Variants in MYH7 observed in about 807,000 individuals in gnomAD.
The protein encoded by MYH7 is myosin-7.
MYH7 carries 129 observed loss-of-function variants against 225.4 expected under a neutral mutation model. The observed-to-expected ratio is 0.57, with a 90% CI of 0.50 to 0.66. The LOEUF is 0.66. MYH7 is among the 30% of genes least tolerant of loss of function. The pLI, the probability that MYH7 is intolerant of heterozygous loss-of-function variation, is 0.00. For synonymous variants in MYH7, 971 were observed against 1,007.6 expected, an observed-to-expected ratio of 0.96 and a Z score of 0.69; for missense variants, 1,649 against 2,517.0, an observed-to-expected ratio of 0.66 and a Z score of 7.38.
chr14:23,424,188 A>G (rs1249591347), intron 22 of MYH7, 39 bp from the exon 23 acceptor site: 1 of 1,613,252 alleles, frequency 6.2e-7, no homozygotes. Context: ...TTCAGGGGGT[A>G]AGGTCCTCAT....
At chr14:23,427,405 C>A in intron 16 of MYH7, 98 bp from the exon 17 acceptor site, 2 of 1,523,098 alleles carry the variant, frequency 1.3e-6, no homozygotes, top group Non-Finnish European at 1.8e-6. Context: ...TGGCATTTGG[C>A]CCCTGGGTGA....
Position 23,413,863 on chromosome 14 carries a change from A to G in MYH7, c.5686T>C (p.Phe1896Leu). The change falls in exon 39 of 40, where the codon TTC becomes CTC. Residue 1896 changes from phenylalanine to leucine, a missense_variant. Around this residue, in one of 12 missense-constraint regions of MYH7, gnomAD observed 687 missense variants for 913.8 expected, o/e 0.75. Coordinates refer to ENST00000355349, the MANE Select transcript of MYH7 (RefSeq NM_000257.4). ...TCCAGCTCGTGCTGCACCTTGCGGA[A>G]CTTGGACAGGTTGGTGTTGGCTTGC... ...EEQANTNLSK[F>L]RKVQHELDEA... The G allele has an allele frequency of 6.2e-7, 1 of 1,614,234 alleles. No homozygotes were observed. The highest frequency in any genetic ancestry group is 8.5e-7 in the Non-Finnish European group (1 of 1,180,034).
chr14:23,421,127 T>C (rs1892458508), intron 25 of MYH7, 79 bp from the exon 26 acceptor site: 7 of 999,538 alleles, frequency 7.0e-6, no homozygotes, highest in East Asian at 4.8e-5. Context: ...AAAATGGTAA[T>C]GATACAGGTA....
chr14:23,413,691 T>C, intron 39 of MYH7, 68 bp downstream of exon 39: 1 of 1,606,684 alleles, frequency 6.2e-7, no homozygotes, highest in Admixed American at 1.7e-5. Flanking sequence ...GCATCCCGGG[T>C]TTGAGGGTGC....
At chr14:23,430,517 C>A in intron 11 of MYH7, 43 bp downstream of exon 11, 1 of 1,520,806 alleles carries the variant, frequency 6.6e-7, no homozygotes, top group South Asian at 1.1e-5. Flanking sequence ...TTGCCCCTCA[C>A]TGCCAATCCT....
rs1401010130 is a variant in MYH7 at position 23,417,334 on chromosome 14, G to A, written c.4354-16C>T. On this transcript the variant is annotated splice_polypyrimidine_tract_variant and intron_variant, in intron 31 of 39. Coordinates refer to ENST00000355349, the MANE Select transcript of MYH7 (RefSeq NM_000257.4). ...CGGCCAGGATCTGCCCGGGGACAAG[G>A]CTCACTCTTCAGCCCCCCAGCCTCA... The A allele has an allele frequency of 1.2e-6, 2 of 1,613,012 alleles. No homozygotes were observed. The highest frequency in any genetic ancestry group is 3.3e-5 in the Admixed American group (2 of 60,000).
intron 37 of MYH7, among the ~76,000 whole-genome samples, chr14:23,414,387 T>G (rs1274565683): frequency 2.0e-5 from 3 of 152,136 alleles, no homozygotes; most frequent in Non-Finnish European, 2.9e-5. Flanking sequence ...GGGGACCCCA[T>G]GCGGGATGAA....
chr14:23,431,543 C>T (rs1200919127), intron 8 of MYH7, 42 bp downstream of exon 8: 2 of 1,613,914 alleles, frequency 1.2e-6, no homozygotes, highest in East Asian at 4.5e-5. Flanking sequence ...GACCATTCCT[C>T]CACCAGTCCA....
At position 23,418,386 on chromosome 14, in the gene MYH7, G is replaced by A. The variant is rs200288088; in HGVS notation, c.3993C>T (p.His1331=). ...EEVKAKNALA[H]ALQSARHDCD... is the part of the protein sequence containing the mutation. ...AGTCATGCCGGGCCGACTGCAGTGCGTGGGCCAGGGCGTTCTTCGCCTGGG... is the reference window on the plus strand; with the variant it reads ...AGTCATGCCGGGCCGACTGCAGTGCATGGGCCAGGGCGTTCTTCGCCTGGG... The change falls in exon 30 of 40, where the codon CAC becomes CAT. Residue 1331 remains histidine (H), a synonymous_variant. Transcript: ENST00000355349. 158 of 1,611,776 alleles carry A rather than the reference G, an allele frequency of 9.8e-5. No homozygotes were observed. The East Asian group carries it at 2.0e-3, about 20-fold the overall frequency.
Position 23,418,173 on chromosome 14 carries a change from G to C in MYH7, c.4169+37C>G, listed in dbSNP as rs896606349. The stretch of plus-strand genomic sequence containing the variant: ...GGCTGGGCTGAGTCCTGCCTGCAAA[G>C]GGGCCTCAGCCAGAAGTCAGGCTGC... On this transcript the variant is annotated intron_variant, in intron 30 of 39. Coordinates refer to ENST00000355349, the MANE Select transcript of MYH7 (RefSeq NM_000257.4). 5 of 1,613,254 alleles carry C rather than the reference G, an allele frequency of 3.1e-6. No individual in the cohort carries two copies. The Admixed American group carries it at 6.7e-5, about 21-fold the overall frequency.
chr14:23,421,314 A>G (rs2138656964), intron 25 of MYH7, among the ~76,000 whole-genome samples: 1 of 152,204 alleles, frequency 6.6e-6, no homozygotes, highest in East Asian at 1.9e-4. Flanking sequence ...TTTTCTCATA[A>G]TGTAAAATGA....
chr14:23,415,922 G>A lies in MYH7; in HGVS notation c.4953+82C>T. 6.2e-7 allele frequency: 1 copy of A among 1,613,242 alleles called. No individual in the cohort carries two copies. Among genetic ancestry groups the A allele is most frequent in the South Asian group, 1.1e-5 (1 of 91,032 alleles). On this transcript the variant is annotated intron_variant, in intron 34 of 39. Transcript: ENST00000355349. This position sits in a 1 kb window ranked among gnomAD's most constrained non-coding sequence, Gnocchi z 6.3. ...GTCAGAGGTCCCTGCAGTAACCTAG[G>A]GGCAGGAGGAATCTGGTGCCTGTAT...
At chr14:23,432,980 T>C in intron 4 of MYH7, 104 bp downstream of exon 4, 4 of 1,565,044 alleles carry the variant, frequency 2.6e-6, no homozygotes, top group South Asian at 2.3e-5. Context: ...GAGGTTAGAG[T>C]GTAACCCTGC....
At position 23,425,120 on chromosome 14, in the gene MYH7, C is replaced by T; in HGVS notation, c.2424-96G>A. ...AATATCCCATTTCCTTCATCCCTCC[C>T]ACCCTTCCTGAGGCCTCTGACCCTG... is the stretch of plus-strand genomic sequence containing the variant. On this transcript the variant is annotated intron_variant, in intron 21 of 39. Coordinates refer to ENST00000355349, the MANE Select transcript of MYH7 (RefSeq NM_000257.4). The surrounding 1 kb of genome is among the most constrained non-coding windows in gnomAD (Gnocchi z 4.6). 2 of 1,607,778 alleles carry T rather than the reference C, an allele frequency of 1.2e-6. No individual in the cohort carries two copies. The highest frequency in any genetic ancestry group is 1.7e-6 in the Non-Finnish European group (2 of 1,175,862).
In MYH7 at chr14:23,419,614, G is replaced by A. The variant is rs1160062159; in HGVS notation, c.3727-5C>T. On this transcript the variant is annotated splice_polypyrimidine_tract_variant and splice_region_variant and intron_variant, in intron 27 of 39. Coordinates refer to ENST00000355349, the MANE Select transcript of MYH7 (RefSeq NM_000257.4). ...GCACATCTTCTCCAGGTTAGCCTGA[G>A]AAGGGAAGGAGAGTTATATGATGGA... is the stretch of plus-strand genomic sequence containing the variant. 1 of 1,613,900 alleles carries A rather than the reference G, an allele frequency of 6.2e-7. No homozygotes were observed. Among genetic ancestry groups the A allele is most frequent in the Non-Finnish European group, 8.5e-7 (1 of 1,179,956 alleles).
At chr14:23,429,138 G>A (rs370925780) in intron 13 of MYH7, 34 bp from the exon 14 acceptor site, 11 of 1,614,170 alleles carry the variant, frequency 6.8e-6, no homozygotes, top group South Asian at 4.4e-5. Context: ...TATTGAGCAG[G>A]GTTGTTGGGA....
At position 23,428,682 on chromosome 14, in the gene MYH7, A is replaced by T; in HGVS notation, c.1408-12T>A. ...TCAAAGCTGTTGAACTGCAGGGGGCATGAGGGGTGGGAGCAGTCAGAAAGT... is the reference window on the plus strand; with the variant it reads ...TCAAAGCTGTTGAACTGCAGGGGGCTTGAGGGGTGGGAGCAGTCAGAAAGT... On this transcript the variant is annotated splice_polypyrimidine_tract_variant and intron_variant, in intron 14 of 39. Transcript: ENST00000355349. 2 of 1,614,034 alleles carry T rather than the reference A, an allele frequency of 1.2e-6. No individual in the cohort carries two copies. The highest frequency in any genetic ancestry group is 1.7e-6 in the Non-Finnish European group (2 of 1,179,934).
chr14:23,430,326 C>T (rs1447698291), intron 11 of MYH7, among the ~76,000 whole-genome samples: 1 of 152,186 alleles, frequency 6.6e-6, no homozygotes, highest in Admixed American at 6.5e-5. Context: ...TTGTGTGTCT[C>T]TCTGTCTCAT....
chr14:23,427,285 C>T lies in MYH7; in HGVS notation c.1911G>A (p.Lys637=). The part of the protein sequence containing the change: ...ADAPIEKGKG[K]AKKGSSFQTV... ...TCTGAAAGGACGAGCCTTTCTTGGC[C>T]TTGCCTTTGCCCTTCTCAATAGCTG... The change falls in exon 17 of 40, where the codon AAG becomes AAA. Residue 637 remains lysine (K), a synonymous_variant. Coordinates refer to ENST00000355349, the MANE Select transcript of MYH7 (RefSeq NM_000257.4). 6.2e-7 allele frequency: 1 copy of T among 1,614,152 alleles called. No homozygotes were observed. The highest frequency in any genetic ancestry group is 2.2e-5 in the East Asian group (1 of 44,874).
Sources: gnomAD v4.1 joint callset for allele counts (sites outside exome capture counted in the v4.1 genomes callset) on GRCh38, gnomAD v4.1.1 for gene constraint, gnomAD v4.1.1 regional missense constraint, Gnocchi (gnomAD v3.1) non-coding constraint, MANE v1.5 for transcripts, NCBI Gene and HGNC (gene_info 2026-07-23, HGNC 2026-07-21) for gene names.